SLC35F3: variants seen among roughly 807,000 people sequenced by gnomAD.
The protein encoded by SLC35F3 is putative thiamine transporter SLC35F3.
In SLC35F3, 25 loss-of-function variants were observed where a neutral mutation model predicts 49.9. The observed-to-expected ratio is 0.50, with a 90% CI of 0.37 to 0.70. SLC35F3 has a LOEUF of 0.70. SLC35F3 is among the 30% of genes least tolerant of loss of function. The pLI, the probability that SLC35F3 is intolerant of heterozygous loss-of-function variation, is 0.00. For missense variants in SLC35F3, 525 were observed against 639.8 expected (o/e 0.82, Z 1.94); for synonymous variants, 275 against 265.4 (o/e 1.04, Z -0.35).
intron 2 of SLC35F3, among the ~76,000 whole-genome samples, chr1:233,984,435 A>C (rs1351435122): frequency 6.6e-6 from 1 of 152,196 alleles, no homozygotes; most frequent in East Asian, 1.9e-4. Flanking sequence ...GATGGCTTGC[A>C]AGTAAGAGTT....
intron 2 of SLC35F3, among the ~76,000 whole-genome samples, chr1:234,060,471 G>C (rs150094908): frequency 6.6e-6 from 1 of 152,044 alleles, no homozygotes; most frequent in African/African-American, 2.4e-5. Context: ...TTTTGAGACA[G>C]GGTCTCACTC....
At chr1:234,166,934 G>T (rs967088313) in intron 2 of SLC35F3, among the ~76,000 whole-genome samples, 1 of 152,170 alleles carries the variant, frequency 6.6e-6, no homozygotes, top group Admixed American at 6.5e-5. Context: ...GTCATTCCAC[G>T]CCCTAAGGGA....
At chr1:233,963,402 G>A (rs373381086) in intron 2 of SLC35F3, among the ~76,000 whole-genome samples, 8 of 151,698 alleles carry the variant, frequency 5.3e-5, no homozygotes, top group Non-Finnish European at 7.4e-5. Context: ...CCAGGTTCAC[G>A]CCATTCTTCT....
intron 2 of SLC35F3, among the ~76,000 whole-genome samples, chr1:233,938,803 C>G (rs1043385392): frequency 6.6e-6 from 1 of 151,800 alleles, no homozygotes; most frequent in African/African-American, 2.4e-5. Context: ...ACTGAATGAT[C>G]GGAAAGGAAA....
At chr1:233,931,321 G>A (rs12062974) in intron 2 of SLC35F3, among the ~76,000 whole-genome samples, 2,149 of 152,184 alleles carry the variant, frequency 0.014, 53 homozygotes, top group African/African-American at 0.047. Flanking sequence ...TCTGCACAGC[G>A]AAAGAAACTA....
chr1:234,296,845 C>T (rs377737737), intron 3 of SLC35F3, among the ~76,000 whole-genome samples: 13 of 152,322 alleles, frequency 8.5e-5, no homozygotes, highest in African/African-American at 3.1e-4. Flanking sequence ...AAGACCTTAT[C>T]GTTCAGGCTG....
chr1:234,198,386 CAT>C (rs1326249619), intron 2 of SLC35F3, among the ~76,000 whole-genome samples: 1 of 152,134 alleles, frequency 6.6e-6, no homozygotes, highest in Admixed American at 6.5e-5. Context: ...TCTGTACAGA[CAT>C]ATGTTTTCTT....
intron 2 of SLC35F3, among the ~76,000 whole-genome samples, chr1:234,139,638 A>G (rs80006451): frequency 0.019 from 2,936 of 152,206 alleles, 95 homozygotes; most frequent in African/African-American, 0.063. Flanking sequence ...ACAATATGAC[A>G]TCACTAGTCT....
At chr1:233,949,407 G>T (rs1475154176) in intron 2 of SLC35F3, among the ~76,000 whole-genome samples, 1 of 152,222 alleles carries the variant, frequency 6.6e-6, no homozygotes, top group African/African-American at 2.4e-5. Flanking sequence ...TATTCCATGA[G>T]TGTAATGTCT....
At position 234,309,304 on chromosome 1, in the gene SLC35F3, G is replaced by C. The variant is rs748493581; in HGVS notation, c.812G>C (p.Arg271Thr). ...CTCTCATGGATCGTTCTCAGGGACAGATTCATGGGAGTGAGGGTAAGTTCC... is the reference window on the plus strand; with the variant it reads ...CTCTCATGGATCGTTCTCAGGGACACATTCATGGGAGTGAGGGTAAGTTCC... The part of the protein sequence containing the change: ...FLLSWIVLRD[R>T]FMGVRIVAAI... Residue 271 changes from arginine to threonine, a missense_variant, in exon 4 of 8, where the codon AGA (arginine) becomes ACA (threonine). By Grantham distance (71) the Arg-to-Thr change is moderately conservative. Around this residue, in one of 4 missense-constraint regions of SLC35F3, gnomAD observed 216 missense variants for 298.1 expected, o/e 0.72. Transcript: ENST00000366618. 3 of 1,614,210 alleles carry C rather than the reference G, an allele frequency of 1.9e-6. No homozygotes were observed. Among genetic ancestry groups the C allele is most frequent in the Non-Finnish European group, 2.5e-6 (3 of 1,180,028 alleles).
At chr1:234,086,403 T>C (rs764953546) in intron 2 of SLC35F3, among the ~76,000 whole-genome samples, 2 of 152,234 alleles carry the variant, frequency 1.3e-5, no homozygotes, top group African/African-American at 2.4e-5. Flanking sequence ...GGAGTTATTA[T>C]TGGGTTTTGA....
chr1:233,952,247 A>G (rs1662619965), intron 2 of SLC35F3, among the ~76,000 whole-genome samples: 1 of 152,002 alleles, frequency 6.6e-6, no homozygotes, highest in South Asian at 2.1e-4. Flanking sequence ...CACAACTTTC[A>G]TCTGCTCTGT....
At position 234,047,202 on chromosome 1, in the gene SLC35F3, A is replaced by C. The variant is rs1347321612; in HGVS notation, c.283+141444A>C. On this transcript the variant is annotated intron_variant, in intron 2 of 7. Transcript: ENST00000366618. ...ACATGATATGTCTCTCCATTTATTC[A>C]TTTCCTCTTTTATGTCCCTTGTGAT... is the stretch of plus-strand genomic sequence containing the variant. Among the ~76,000 whole-genome samples the C allele has an allele frequency of 2.0e-5, 3 of 152,138 alleles. No homozygotes were observed. In the South Asian group the frequency reaches 6.2e-4, roughly 32 times the overall value.
chr1:234,104,999 G>C (rs925893744), intron 2 of SLC35F3, among the ~76,000 whole-genome samples: 9 of 151,980 alleles, frequency 5.9e-5, no homozygotes, highest in Non-Finnish European at 1.2e-4. Flanking sequence ...GTGGTGGCGG[G>C]CACCTGTAGT....
At chr1:233,919,048 G>T (rs565282987) in intron 2 of SLC35F3, among the ~76,000 whole-genome samples, 1 of 152,100 alleles carries the variant, frequency 6.6e-6, no homozygotes, top group Non-Finnish European at 1.5e-5. Flanking sequence ...ATATATATAT[G>T]TTCATGGGAC....
At chr1:234,091,259 A>G (rs147109579) in intron 2 of SLC35F3, among the ~76,000 whole-genome samples, 317 of 152,322 alleles carry the variant, frequency 2.1e-3, no homozygotes, top group African/African-American at 5.1e-3. Flanking sequence ...CTGAGGCACT[A>G]TCACCCTACC....
At chr1:234,147,822 AGTACAGAGTGCTGG>A (rs1480540296) in intron 2 of SLC35F3, among the ~76,000 whole-genome samples, 5 of 152,236 alleles carry the variant, frequency 3.3e-5, no homozygotes, top group Non-Finnish European at 7.3e-5. Context: ...AGCTTATTAC[AGTACAGAGTGCTGG>A]GTTCCACCCC....
intron 2 of SLC35F3, among the ~76,000 whole-genome samples, chr1:234,053,623 G>A (rs1664411317): frequency 6.6e-6 from 1 of 152,032 alleles, no homozygotes; most frequent in Non-Finnish European, 1.5e-5. Context: ...TTTTAATTGG[G>A]GCATTTAGCC....
At chr1:233,980,684 T>G (rs1663168281) in intron 2 of SLC35F3, among the ~76,000 whole-genome samples, 1 of 152,230 alleles carries the variant, frequency 6.6e-6, no homozygotes, top group African/African-American at 2.4e-5. Context: ...TATTTTCATC[T>G]TTGTACCTAT....
Sources: allele counts gnomAD v4.1 joint callset (sites outside exome capture counted in the v4.1 genomes callset), GRCh38; gene constraint gnomAD v4.1.1; regional missense constraint gnomAD v4.1.1; transcripts MANE v1.5; gene names NCBI Gene and HGNC (gene_info 2026-07-23, HGNC 2026-07-21).